The following MEGF11 variants were observed in gnomAD, a reference collection of about 807,000 sequenced individuals.
MEGF11 encodes multiple epidermal growth factor-like domains protein 11.
MEGF11 carries 126 observed loss-of-function variants against 146.6 expected under a neutral mutation model. The observed-to-expected ratio is 0.86, with a 90% CI of 0.74 to 1.00. The LOEUF (loss-of-function observed/expected upper bound fraction) is 1.00. Among genes scored for constraint, MEGF11 ranks in the 50% least tolerant of loss-of-function variants. MEGF11 has a pLI of 0.00. For missense variants in MEGF11, 1,509 were observed against 1,521.2 expected, an observed-to-expected ratio of 0.99 and a Z score of 0.13; for synonymous variants, 532 against 583.4, an observed-to-expected ratio of 0.91 and a Z score of 1.27.
intron 5 of MEGF11, among the ~76,000 whole-genome samples, chr15:66,074,433 A>G (rs192720940): frequency 2.0e-3 from 301 of 152,366 alleles, no homozygotes; most frequent in African/African-American, 7.1e-3. Context: ...AGGGACCTGT[A>G]GCTTTTCACC....
chr15:66,020,245 T>C (rs148715407), intron 5 of MEGF11, among the ~76,000 whole-genome samples: 16 of 152,318 alleles, frequency 1.1e-4, no homozygotes, highest in East Asian at 5.8e-4. Flanking sequence ...AACAGGAACA[T>C]TGGGTAAGTA....
intron 5 of MEGF11, among the ~76,000 whole-genome samples, chr15:66,034,147 T>C (rs1366910036): frequency 6.6e-6 from 1 of 152,220 alleles, no homozygotes; most frequent in Non-Finnish European, 1.5e-5. Flanking sequence ...AACGGAAGTG[T>C]CTGTCCTATA....
At chr15:65,990,660 GAAGGGAAGA>G (rs772217386) in intron 5 of MEGF11, among the ~76,000 whole-genome samples, 43 of 148,104 alleles carry the variant, frequency 2.9e-4, no homozygotes, top group East Asian at 1.6e-3. Context: ...AGAAGGAAGG[GAAGGGAAGA>G]AAGGGAAGAA....
At position 65,909,185 on chromosome 15, in the gene MEGF11, T is replaced by C; in HGVS notation, c.2897-50A>G. ...AGCCATTATTCCCAGGGCCCTGGTA[T>C]AGCAGGGGAAGGGGGTAGGAAGTAC... On this transcript the variant is annotated intron_variant, in intron 22 of 25. Transcript: ENST00000395614. The C allele has an allele frequency of 5.4e-6, 7 of 1,300,700 alleles. No individual in the cohort carries two copies. In the South Asian group the frequency reaches 7.6e-5, roughly 14 times the overall value. 80.6% of individuals were successfully genotyped at this position (1,300,700 alleles called of 1,614,324 possible). A position where few individuals can be genotyped will look rare whatever the true frequency, so the allele number is the denominator to read the frequency against.
chr15:65,919,843 C>G lies in MEGF11; in HGVS notation c.1958-1749G>C, dbSNP rs570154448. On this transcript the variant is annotated intron_variant, in intron 15 of 25. Transcript: ENST00000395614. ...CCATGTTGGCCAGGCTGGTCTCGAACTCCTGACCTCAAGCCTTGGCCTCCC... is the reference window on the plus strand; with the variant it reads ...CCATGTTGGCCAGGCTGGTCTCGAAGTCCTGACCTCAAGCCTTGGCCTCCC... Among the ~76,000 whole-genome samples the G allele has an allele frequency of 1.2e-4, 19 of 152,348 alleles. No homozygotes were observed. In the South Asian group the frequency reaches 3.9e-3, roughly 32 times the overall value.
At chr15:66,066,597 G>A (rs1476355630) in intron 5 of MEGF11, among the ~76,000 whole-genome samples, 3 of 152,202 alleles carry the variant, frequency 2.0e-5, no homozygotes, top group Non-Finnish European at 4.4e-5. Flanking sequence ...GCTCACTACA[G>A]GTCTGTCTGA....
intron 24 of MEGF11, among the ~76,000 whole-genome samples, chr15:65,900,854 G>T (rs539701537): frequency 3.9e-5 from 6 of 152,190 alleles, no homozygotes; most frequent in African/African-American, 1.4e-4. Flanking sequence ...AAACATCCTT[G>T]CGAGACACTG....
chr15:66,090,979 A>C lies in MEGF11; in HGVS notation c.394+3423T>G. Among the ~76,000 whole-genome samples the C allele has an allele frequency of 1.3e-5, 2 of 152,244 alleles. 1 individual carries two copies. The highest frequency in any genetic ancestry group is 2.9e-5 in the Non-Finnish European group (2 of 68,042). ...AGCAGTGGTTATCTCTGGGGTGGAG[A>C]GTTAACCTTTTTTGTCTAACTTTTG... On this transcript the variant is annotated intron_variant, in intron 5 of 25. Transcript: ENST00000395614.
chr15:66,217,295 AG>A (rs2091608970), intron 1 of MEGF11, among the ~76,000 whole-genome samples: 1 of 152,210 alleles, frequency 6.6e-6, no homozygotes, highest in African/African-American at 2.4e-5. Context: ...GCTAAGAGAG[AG>A]GGTTCACCTG....
At chr15:66,004,931 C>T (rs986322151) in intron 5 of MEGF11, among the ~76,000 whole-genome samples, 3 of 152,078 alleles carry the variant, frequency 2.0e-5, no homozygotes, top group Admixed American at 6.5e-5. Flanking sequence ...TACTATAAGA[C>T]ACAAATTAAG....
intron 10 of MEGF11, among the ~76,000 whole-genome samples, chr15:65,952,049 A>C (rs1170246670): frequency 1.3e-5 from 2 of 152,108 alleles, no homozygotes; most frequent in African/African-American, 4.8e-5. Flanking sequence ...CATTCACATA[A>C]ATTTTATAGC....
chr15:66,199,518 C>T (rs2091097641), intron 1 of MEGF11, among the ~76,000 whole-genome samples: 1 of 152,216 alleles, frequency 6.6e-6, no homozygotes, highest in Admixed American at 6.5e-5. Flanking sequence ...CAAGCCAGCC[C>T]AGAGGCTCCC....
intron 5 of MEGF11, among the ~76,000 whole-genome samples, chr15:66,048,121 T>G (rs2084293463): frequency 1.3e-5 from 2 of 152,182 alleles, no homozygotes; most frequent in Non-Finnish European, 2.9e-5. Context: ...AATTTTTGTA[T>G]TTTTAGTAGA....
chr15:66,091,391 C>T (rs925743326), intron 5 of MEGF11, among the ~76,000 whole-genome samples: 18 of 152,216 alleles, frequency 1.2e-4, no homozygotes, highest in Non-Finnish European at 2.5e-4. Flanking sequence ...CTATGAACAA[C>T]CATGTTTTCT....
rs529562639 is a variant in MEGF11, at chr15:66,050,492, G to A, written c.394+43910C>T. On this transcript the variant is annotated intron_variant, in intron 5 of 25. Coordinates refer to ENST00000395614, the MANE Select transcript of MEGF11 (RefSeq NM_001385028.1). ...GAGGTTCCTGAGAGACCTGCCATGTGCAAGGGGCAGGAGGGAGGTCAGGGA... is the reference window on the plus strand; with the variant it reads ...GAGGTTCCTGAGAGACCTGCCATGTACAAGGGGCAGGAGGGAGGTCAGGGA... 3.9e-5 allele frequency among the ~76,000 whole-genome samples: 6 copies of A among 152,306 alleles called. No homozygotes were observed. The East Asian group carries it at 9.6e-4, about 24-fold the overall frequency.
intron 10 of MEGF11, among the ~76,000 whole-genome samples, chr15:65,947,752 G>T (rs1027425670): frequency 6.6e-6 from 1 of 152,124 alleles, no homozygotes; most frequent in African/African-American, 2.4e-5. Context: ...TGAAGACTTG[G>T]ACAAAAAGAA....
intron 1 of MEGF11, among the ~76,000 whole-genome samples, chr15:66,229,401 C>T (rs975691331): frequency 6.6e-6 from 1 of 152,152 alleles, no homozygotes; most frequent in Non-Finnish European, 1.5e-5. Context: ...TCAGCTCCCT[C>T]GACTGTTGCC....
chr15:66,236,076 G>C (rs2092084592), intron 1 of MEGF11, among the ~76,000 whole-genome samples: 2 of 152,222 alleles, frequency 1.3e-5, no homozygotes, highest in African/African-American at 2.4e-5. Flanking sequence ...TCCTGGAGGA[G>C]ATGGTGTCTG....
chr15:66,202,869 C>G (rs1281935751), intron 1 of MEGF11, among the ~76,000 whole-genome samples: 1 of 152,190 alleles, frequency 6.6e-6, no homozygotes. Flanking sequence ...AGGTATGAAC[C>G]ATGTCAGGAA....
Sources: gnomAD v4.1 joint callset for allele counts (sites outside exome capture counted in the v4.1 genomes callset) on GRCh38, gnomAD v4.1.1 for gene constraint, MANE v1.5 for transcripts, NCBI Gene and HGNC (gene_info 2026-07-23, HGNC 2026-07-21) for gene names.